LCORL: variants seen among roughly 807,000 people sequenced by gnomAD.
LCORL encodes the protein ligand-dependent nuclear receptor corepressor-like protein.
Under a neutral mutation model 141.8 loss-of-function variants are expected in LCORL, and 41 were observed. The ratio of observed to expected loss-of-function variants is 0.29; its 90% CI spans 0.23 to 0.38. LCORL has a LOEUF of 0.38. Among genes scored for constraint, LCORL ranks in the 10% least tolerant of loss-of-function variants. The probability of loss-of-function intolerance (pLI) is 1.00; values close to 1 mark genes in which losing one functional copy is unlikely to be tolerated. For missense variants in LCORL, 1,759 were observed against 2,035.0 expected, an observed-to-expected ratio of 0.86 and a Z score of 2.61; for synonymous variants, 618 against 694.1, an observed-to-expected ratio of 0.89 and a Z score of 1.72.
At chr4:17,851,620 T>G (rs569430344) in intron 7 of LCORL, among the ~76,000 whole-genome samples, 2 of 152,362 alleles carry the variant, frequency 1.3e-5, no homozygotes, top group South Asian at 4.1e-4. Flanking sequence ...TTTTGGCTGT[T>G]TTAATCTATT....
At chr4:18,006,270 C>T (rs1362047379) in intron 1 of LCORL, among the ~76,000 whole-genome samples, 1 of 152,132 alleles carries the variant, frequency 6.6e-6, no homozygotes, top group Non-Finnish European at 1.5e-5. Context: ...CCATCTGATA[C>T]CACCTCAGCT....
intron 2 of LCORL, among the ~76,000 whole-genome samples, chr4:17,971,260 C>A (rs1265629956): frequency 6.6e-6 from 1 of 152,002 alleles, no homozygotes; most frequent in African/African-American, 2.4e-5. Context: ...AAAATATACA[C>A]ACTTTTCTCG....
intron 5 of LCORL, among the ~76,000 whole-genome samples, chr4:17,896,130 T>A (rs1577353793): frequency 6.6e-6 from 1 of 152,108 alleles, no homozygotes; most frequent in Non-Finnish European, 1.5e-5. Context: ...TCCAAAGGGG[T>A]TGCATCATTT....
intron 5 of LCORL, among the ~76,000 whole-genome samples, chr4:17,901,668 C>A (rs1730904259): frequency 6.6e-6 from 1 of 151,904 alleles, no homozygotes; most frequent in Non-Finnish European, 1.5e-5. Context: ...ATTAACTATA[C>A]CTTTAAAACC....
exon 7 of LCORL, chr4:17,877,669 G>C: frequency 8.1e-7 from 1 of 1,229,996 alleles, no homozygotes; most frequent in Non-Finnish European, 1.0e-6. Context: ...GATAATGGTG[G>C]GGGTGAGGGA....
intron 1 of LCORL, among the ~76,000 whole-genome samples, chr4:17,980,776 C>T (rs1365754928): frequency 1.3e-5 from 2 of 152,166 alleles, no homozygotes; most frequent in African/African-American, 2.4e-5. Context: ...AGCGGGCAAG[C>T]GAGCATTACC....
At chr4:18,000,805 T>C (rs990418223) in intron 1 of LCORL, among the ~76,000 whole-genome samples, 8 of 152,222 alleles carry the variant, frequency 5.3e-5, no homozygotes, top group African/African-American at 1.4e-4. Flanking sequence ...AAGAGACTTC[T>C]GGGGGTTCCA....
At chr4:17,940,709 T>C (rs1467759658) in intron 4 of LCORL, among the ~76,000 whole-genome samples, 1 of 152,006 alleles carries the variant, frequency 6.6e-6, no homozygotes, top group East Asian at 1.9e-4. Flanking sequence ...TTGAAGTAAA[T>C]GTTACATTTC....
chr4:18,015,829 G>A (rs897531620), intron 1 of LCORL, among the ~76,000 whole-genome samples: 22 of 149,898 alleles, frequency 1.5e-4, no homozygotes, highest in African/African-American at 4.9e-4. Flanking sequence ...AGTAGATACC[G>A]ACAAAAAGCA....
At chr4:17,955,144 G>C (rs1435867292) in intron 4 of LCORL, among the ~76,000 whole-genome samples, 1 of 152,064 alleles carries the variant, frequency 6.6e-6, no homozygotes, top group African/African-American at 2.4e-5. Context: ...AAGAAAACCA[G>C]CAAGGATCAT....
At chr4:17,860,558 A>G (rs2109129170) in intron 7 of LCORL, among the ~76,000 whole-genome samples, 1 of 152,296 alleles carries the variant, frequency 6.6e-6, no homozygotes, top group East Asian at 1.9e-4. Context: ...GCTAAACCAT[A>G]TCATTTTGCT....
rs975140858 is a variant in LCORL, at chr4:17,882,275, T to C, written c.776+3793A>G. The stretch of plus-strand genomic sequence containing the variant: ...GTATTCCTTTTGGACTTAGGAAAAC[T>C]GGCTTAGAAAAATGATCAGAACCTG... On this transcript the variant is annotated intron_variant, in intron 6 of 7. Coordinates refer to ENST00000635767, the Ensembl canonical transcript of LCORL. 8 of 984,590 alleles carry C rather than the reference T, an allele frequency of 8.1e-6. No homozygotes were observed. In the African/African-American group the frequency reaches 1.2e-4, roughly 15 times the overall value. 61.0% of individuals were successfully genotyped at this position (984,590 alleles called of 1,614,324 possible).
chr4:17,942,348 A>T (rs903097121), intron 4 of LCORL, among the ~76,000 whole-genome samples: 35 of 152,272 alleles, frequency 2.3e-4, no homozygotes, highest in African/African-American at 7.9e-4. Flanking sequence ...GCTACAAAGC[A>T]AGCAGAAAGG....
intron 4 of LCORL, among the ~76,000 whole-genome samples, chr4:17,953,187 A>G (rs1250908048): frequency 6.6e-6 from 1 of 152,222 alleles, no homozygotes; most frequent in African/African-American, 2.4e-5. Flanking sequence ...TGCTATTGTG[A>G]ATAGTCCTGC....
intron 4 of LCORL, among the ~76,000 whole-genome samples, chr4:17,949,098 G>A (rs1018202334): frequency 1.3e-5 from 2 of 152,026 alleles, no homozygotes; most frequent in Admixed American, 1.3e-4. Flanking sequence ...AGCAGGTAGA[G>A]AGTACCATCA....
At chr4:18,013,817 A>ATTT (rs35615219) in intron 1 of LCORL, among the ~76,000 whole-genome samples, 1 of 147,798 alleles carries the variant, frequency 6.8e-6, no homozygotes. Context: ...TTGCAGTTGA[A>ATTT]TTTTTTTTTT....
chr4:17,845,740 A>G, exon 8 of LCORL: 1 of 1,606,848 alleles, frequency 6.2e-7, no homozygotes, highest in East Asian at 2.2e-5. Context: ...TTCGCTTTTG[A>G]GATTTTGGTT....
chr4:17,977,473 T>C (rs933975464), intron 1 of LCORL, among the ~76,000 whole-genome samples: 2 of 152,188 alleles, frequency 1.3e-5, no homozygotes, highest in Non-Finnish European at 2.9e-5. Flanking sequence ...CAGTGATTTG[T>C]AGAAAACATT....
chr4:17,843,376 A>G (rs1722617007), exon 8 of LCORL: 1 of 1,612,114 alleles, frequency 6.2e-7, no homozygotes, highest in Non-Finnish European at 8.5e-7. Context: ...GCAGCACTAG[A>G]AAAAAGTAAA....
Sources: gnomAD v4.1 joint callset for allele counts (sites outside exome capture counted in the v4.1 genomes callset) on GRCh38, gnomAD v4.1.1 for gene constraint, MANE v1.5 for transcripts, NCBI Gene and HGNC (gene_info 2026-07-23, HGNC 2026-07-21) for gene names.